The following ITGA1 variants were observed in gnomAD, a reference collection of about 807,000 sequenced individuals.
ITGA1 encodes the protein integrin alpha-1.
ITGA1 carries 85 observed loss-of-function variants against 145.9 expected under a neutral mutation model. The observed-to-expected ratio is 0.58, with a 90% CI of 0.49 to 0.70. ITGA1 has a LOEUF of 0.70. Ranked by LOEUF, ITGA1 falls within the 30% of genes least tolerant of loss-of-function variation. The probability of loss-of-function intolerance (pLI) is 0.00; values close to 1 mark genes in which losing one functional copy is unlikely to be tolerated. For missense variants in ITGA1, 1,351 were observed against 1,418.7 expected, an observed-to-expected ratio of 0.95 and a Z score of 0.77; for synonymous variants, 520 against 495.3, an observed-to-expected ratio of 1.05 and a Z score of -0.66.
chr5:52,900,940 A>T lies in ITGA1; in HGVS notation c.1309+2557A>T, dbSNP rs181776816. On this transcript the variant is annotated intron_variant, in intron 11 of 28. Coordinates refer to ENST00000282588, the MANE Select transcript of ITGA1 (RefSeq NM_181501.2). ...TATTGTGTAATGTTATATAATAAAC[A>T]TTCCTCTTATTAGTATTGTGGTAGG... Among the ~76,000 whole-genome samples, 41 of 152,318 alleles carry T rather than the reference A, an allele frequency of 2.7e-4. No individual in the cohort carries two copies. In the East Asian group the frequency reaches 4.4e-3, roughly 16 times the overall value.
At chr5:52,867,704 G>A (rs1332421790) in intron 6 of ITGA1, among the ~76,000 whole-genome samples, 1 of 151,894 alleles carries the variant, frequency 6.6e-6, no homozygotes, top group Non-Finnish European at 1.5e-5. Context: ...ATTAAAGCTG[G>A]AAAGAATCTT....
chr5:52,861,477 A>G lies in ITGA1; in HGVS notation c.213A>G (p.Gln71=), dbSNP rs747565141. ...WVLIGSPLVG[Q]PKNRTGDVYK... Reference sequence around the variant, plus strand: ...TTATTGGTTCTCCGTTAGTTGGCCAACCCAAAAACAGAACTGGAGATGTCT... The same window carrying G: ...TTATTGGTTCTCCGTTAGTTGGCCAGCCCAAAAACAGAACTGGAGATGTCT... The change falls in exon 3 of 29, where the codon CAA becomes CAG. Residue 71 remains glutamine, a synonymous_variant. Transcript: ENST00000282588. 1.2e-6 allele frequency: 2 copies of G among 1,613,722 alleles called. No homozygotes were observed. Among genetic ancestry groups the G allele is most frequent in the Admixed American group, 1.7e-5 (1 of 59,942 alleles).
In ITGA1 at chr5:52,872,321, A is replaced by G. The variant is rs577522421; in HGVS notation, c.624+6504A>G. ...TGCTTACAGTTTCCGAATGTGGGGT[A>G]GGGAATGGGGTGAATCTTCTCTCTC... On this transcript the variant is annotated intron_variant, in intron 6 of 28. Transcript: ENST00000282588. 3.3e-4 allele frequency among the ~76,000 whole-genome samples: 51 copies of G among 152,240 alleles called. 1 individual carries two copies. The East Asian group carries it at 9.5e-3, about 28-fold the overall frequency.
At position 52,956,812 on chromosome 5, in the gene ITGA1, A is replaced by C. The variant is rs1751312019; in HGVS notation, c.*4361A>C. ...TGCTGTATTTATAACTAAAATGTAC[A>C]GTTTAATTCTAAATAGCAGGCTTTT... On this transcript the variant is annotated 3_prime_UTR_variant, in exon 29 of 29. Transcript: ENST00000282588. The C allele has an allele frequency of 1.3e-5, 2 of 152,198 alleles. No homozygotes were observed. The highest frequency in any genetic ancestry group is 2.9e-5 in the Non-Finnish European group (2 of 68,034). 9.4% of individuals were successfully genotyped at this position (152,198 alleles called of 1,614,324 possible).
intron 1 of ITGA1, among the ~76,000 whole-genome samples, chr5:52,819,740 G>C (rs1748837036): frequency 6.6e-6 from 1 of 152,112 alleles, no homozygotes; most frequent in South Asian, 2.1e-4. Flanking sequence ...TGTCCTGAAT[G>C]GTATTGCCTA....
At chr5:52,868,338 C>G (rs948796535) in intron 6 of ITGA1, among the ~76,000 whole-genome samples, 1 of 152,174 alleles carries the variant, frequency 6.6e-6, no homozygotes, top group Non-Finnish European at 1.5e-5. Context: ...ATCCATACGG[C>G]TCTTTTAGAA....
At chr5:52,808,676 C>CTTTCTTTTTTTTTTTTTTT (rs1554041033) in intron 1 of ITGA1, among the ~76,000 whole-genome samples, 100 of 69,340 alleles carry the variant, frequency 1.4e-3, no homozygotes, top group African/African-American at 2.2e-3. Flanking sequence ...TTCTTTCTTT[C>CTTTCTTTTTTTTTTTTTTT]TTTTTTTTTT....
chr5:52,931,378 A>G (rs1174486348), intron 21 of ITGA1: 1 of 152,162 alleles, frequency 6.6e-6, no homozygotes, highest in Non-Finnish European at 1.5e-5. Context: ...CTGGCCCCAG[A>G]GCCAGTGTTC....
chr5:52,933,161 C>T lies in ITGA1; in HGVS notation c.2862-733C>T, dbSNP rs544619066. On this transcript the variant is annotated intron_variant, in intron 22 of 28. Transcript: ENST00000282588. Reference sequence around the variant, plus strand: ...GGAACATTCAATATCTTCTTTCTGGCTTAATAATTTATTATCTATGGCACT... The same window carrying T: ...GGAACATTCAATATCTTCTTTCTGGTTTAATAATTTATTATCTATGGCACT... 2.6e-4 allele frequency: 39 copies of T among 152,056 alleles called. 1 individual carries two copies. The highest frequency in any genetic ancestry group is 9.2e-4 in the African/African-American group (38 of 41,520). 9.4% of individuals were successfully genotyped at this position (152,056 alleles called of 1,614,324 possible). A position where few individuals can be genotyped will look rare whatever the true frequency, so the allele number is the denominator to read the frequency against.
chr5:52,802,724 C>T (rs1748514091), intron 1 of ITGA1: 3 of 151,988 alleles, frequency 2.0e-5, no homozygotes, highest in Admixed American at 1.3e-4. Flanking sequence ...ATACTTAATT[C>T]TGTTTTATAT....
At chr5:52,857,092 C>A (rs1258837322) in intron 2 of ITGA1, among the ~76,000 whole-genome samples, 1 of 152,196 alleles carries the variant, frequency 6.6e-6, no homozygotes, top group Non-Finnish European at 1.5e-5. Flanking sequence ...GTCATAGTAT[C>A]ATTTGTGCTG....
At position 52,898,314 on chromosome 5, in the gene ITGA1, A is replaced by G. The variant is rs906526766; in HGVS notation, c.1240A>G (p.Ile414Val). The change falls in exon 11 of 29, where the codon ATA becomes GTA. Residue 414 changes from isoleucine (I) to valine (V), a missense_variant. Ile to Val is a conservative substitution (Grantham distance 29). Coordinates refer to ENST00000282588, the MANE Select transcript of ITGA1 (RefSeq NM_181501.2). ...TGTCATGCAGAAGGCTAGTCAAATC[A>G]TAATCCCTCGAAACACAACCTTTAA... ...TVVMQKASQIIIPRNTTFNVE... is the reference protein window; with the variant it reads ...TVVMQKASQIVIPRNTTFNVE... The G allele has an allele frequency of 3.7e-6, 6 of 1,612,034 alleles. No homozygotes were observed. Among genetic ancestry groups the G allele is most frequent in the East Asian group, 2.2e-5 (1 of 44,842 alleles).
At chr5:52,849,575 C>G in intron 2 of ITGA1, 90 bp downstream of exon 2, 1 of 1,132,398 alleles carries the variant, frequency 8.8e-7, no homozygotes, top group Non-Finnish European at 1.2e-6. Context: ...ATGAATGAAA[C>G]TTTAACAGAA....
At chr5:52,884,179 C>A (rs11957427) in intron 7 of ITGA1, among the ~76,000 whole-genome samples, 1 of 152,064 alleles carries the variant, frequency 6.6e-6, no homozygotes, top group Admixed American at 6.6e-5. Context: ...TGCAGTGGCT[C>A]GTGCCTGTAA....
chr5:52,811,294 A>C (rs911659729), intron 1 of ITGA1, among the ~76,000 whole-genome samples: 2 of 152,008 alleles, frequency 1.3e-5, no homozygotes, highest in Admixed American at 1.3e-4. Flanking sequence ...TCTTTTTGAG[A>C]GTTGGTTTCT....
At chr5:52,913,627 T>C (rs1307109984) in intron 14 of ITGA1, among the ~76,000 whole-genome samples, 1 of 152,210 alleles carries the variant, frequency 6.6e-6, no homozygotes, top group Non-Finnish European at 1.5e-5. Flanking sequence ...CAAGTAATCA[T>C]AGTTGGTTAG....
At chr5:52,800,803 G>A (rs1277438220) in intron 1 of ITGA1, 1 of 1,612,292 alleles carries the variant, frequency 6.2e-7, no homozygotes, top group African/African-American at 1.3e-5. Context: ...GAGCGCTGAT[G>A]TGGCGGCTGT....
intron 7 of ITGA1, among the ~76,000 whole-genome samples, chr5:52,886,841 C>A (rs1351117522): frequency 2.0e-5 from 3 of 152,134 alleles, no homozygotes; most frequent in South Asian, 2.1e-4. Flanking sequence ...TGCAGTGGCG[C>A]GATCTTGGCT....
intron 19 of ITGA1, 133 bp downstream of exon 19, chr5:52,925,620 C>T (rs548283082): frequency 3.8e-5 from 25 of 655,054 alleles, no homozygotes; most frequent in Non-Finnish European, 3.4e-5. Flanking sequence ...TTAGTCCTCA[C>T]CAATGGTGAA....
Sources: allele counts gnomAD v4.1 joint callset (sites outside exome capture counted in the v4.1 genomes callset), GRCh38; gene constraint gnomAD v4.1.1; transcripts MANE v1.5; gene names NCBI Gene and HGNC (gene_info 2026-07-23, HGNC 2026-07-21).